CDH9: variants seen among roughly 807,000 people sequenced by gnomAD.
CDH9 encodes the protein cadherin-9.
A neutral mutation model predicts 70.9 loss-of-function variants in CDH9; 28 were observed. The observed-to-expected ratio is 0.40, with a 90% CI of 0.29 to 0.54. The LOEUF (loss-of-function observed/expected upper bound fraction) is 0.54. Among genes scored for constraint, CDH9 ranks in the 20% least tolerant of loss-of-function variants. The pLI, the probability that CDH9 is intolerant of heterozygous loss-of-function variation, is 0.59. For synonymous variants in CDH9, 409 were observed against 343.1 expected (o/e 1.19, Z -2.12); for missense variants, 874 against 984.4 (o/e 0.89, Z 1.50).
In CDH9 at chr5:27,018,475, T is replaced by G. The variant is rs1743083475; in HGVS notation, c.-50+19988A>C. Among the ~76,000 whole-genome samples, 6 of 151,856 alleles carry G rather than the reference T, an allele frequency of 4.0e-5. 2 individuals carry two copies. Among genetic ancestry groups the G allele is most frequent in the Admixed American group, 3.9e-4 (6 of 15,208 alleles). On this transcript the variant is annotated intron_variant, in intron 1 of 11. Transcript: ENST00000231021. The stretch of plus-strand genomic sequence containing the variant: ...TTCATTTCTAAGATTCCACTATTAG[T>G]AAGTTCAACTTCTCTTTATGGAAAT...
chr5:26,972,895 G>A (rs1396367349), intron 2 of CDH9, among the ~76,000 whole-genome samples: 3 of 147,972 alleles, frequency 2.0e-5, no homozygotes, highest in East Asian at 4.0e-4. Context: ...ATGAAGTCTC[G>A]CTCTGTCACC....
chr5:26,928,408 ATCCACACTAC>A (rs1741383719), intron 2 of CDH9, among the ~76,000 whole-genome samples: 1 of 152,070 alleles, frequency 6.6e-6, no homozygotes, highest in Admixed American at 6.6e-5. Context: ...TTGTTAAAAT[ATCCACACTAC>A]TCAAAGCAAT....
At chr5:26,891,532 G>A (rs1199856983) in intron 7 of CDH9, among the ~76,000 whole-genome samples, 1 of 152,016 alleles carries the variant, frequency 6.6e-6, no homozygotes, top group East Asian at 1.9e-4. Flanking sequence ...ACAAAAATTA[G>A]CCAGGCATGG....
intron 1 of CDH9, among the ~76,000 whole-genome samples, chr5:27,025,400 C>G (rs373973662): frequency 6.6e-6 from 1 of 151,886 alleles, no homozygotes; most frequent in Non-Finnish European, 1.5e-5. Context: ...TAACTGGAGA[C>G]CAATCAGAAG....
rs1379961253 is a variant in CDH9 at position 26,982,674 on chromosome 5, TTTTTTTTG to T, written c.228+5424_228+5431del. ...TAATTCAACTTGTGCTATGAATAAGTTTTTTTTGTTTTTTTGTTTTTTTGTTTTTTTTG... is the reference window on the plus strand; with the variant it reads ...TAATTCAACTTGTGCTATGAATAAGTTTTTTTTGTTTTTTTGTTTTTTTTG... On this transcript the variant is annotated intron_variant, in intron 2 of 11. Coordinates refer to ENST00000231021, the MANE Select transcript of CDH9 (RefSeq NM_016279.4). Among the ~76,000 whole-genome samples, 7 of 151,752 alleles carry T rather than the reference TTTTTTTTG, an allele frequency of 4.6e-5. No individual in the cohort carries two copies. In the South Asian group the frequency reaches 8.3e-4, roughly 18 times the overall value.
chr5:27,037,345 G>C (rs1174119875), intron 1 of CDH9, among the ~76,000 whole-genome samples: 1 of 151,764 alleles, frequency 6.6e-6, no homozygotes, highest in Non-Finnish European at 1.5e-5. Context: ...AATATAAAAT[G>C]ACAACACATC....
intron 2 of CDH9, among the ~76,000 whole-genome samples, chr5:26,918,552 G>A (rs778792384): frequency 1.9e-4 from 29 of 152,142 alleles, no homozygotes; most frequent in Middle Eastern, 3.2e-3. Context: ...AATAAAACTT[G>A]CCTTTTTAAC....
At chr5:26,938,075 C>CA (rs1478140289) in intron 2 of CDH9, among the ~76,000 whole-genome samples, 1 of 151,576 alleles carries the variant, frequency 6.6e-6, no homozygotes, top group African/African-American at 2.4e-5. Flanking sequence ...CTACTGGGGG[C>CA]AAGGTGTAGA....
intron 1 of CDH9, among the ~76,000 whole-genome samples, chr5:27,005,859 C>A (rs182089323): frequency 7.2e-4 from 109 of 152,110 alleles, no homozygotes; most frequent in East Asian, 1.2e-3. Context: ...GCAGTCATAT[C>A]TTTTGCTTGA....
intron 11 of CDH9, among the ~76,000 whole-genome samples, chr5:26,883,041 T>TA (rs1740493751): frequency 3.8e-4 from 22 of 58,022 alleles, no homozygotes; most frequent in African/African-American, 9.2e-4. Flanking sequence ...CAGGATCATC[T>TA]TATATATATA....
chr5:27,010,112 A>G (rs1165063441), intron 1 of CDH9, among the ~76,000 whole-genome samples: 2 of 152,138 alleles, frequency 1.3e-5, no homozygotes, highest in Non-Finnish European at 2.9e-5. Flanking sequence ...AAATTGTTAA[A>G]TGCACAGTAT....
At chr5:26,952,269 T>G (rs1741859713) in intron 2 of CDH9, among the ~76,000 whole-genome samples, 1 of 146,776 alleles carries the variant, frequency 6.8e-6, no homozygotes, top group Non-Finnish European at 1.5e-5. Context: ...CAGACTCATG[T>G]TGAAATTTAA....
chr5:27,011,602 T>G (rs1047638032), intron 1 of CDH9, among the ~76,000 whole-genome samples: 1 of 152,066 alleles, frequency 6.6e-6, no homozygotes, highest in Non-Finnish European at 1.5e-5. Flanking sequence ...TAGTTTGTCA[T>G]GCATTGCTAT....
At chr5:26,979,835 T>C (rs1021383301) in intron 2 of CDH9, among the ~76,000 whole-genome samples, 2 of 151,610 alleles carry the variant, frequency 1.3e-5, no homozygotes, top group African/African-American at 4.8e-5. Flanking sequence ...TAATCAGAAA[T>C]ATAAAGAAAG....
chr5:26,956,511 T>C lies in CDH9; in HGVS notation c.228+31595A>G, dbSNP rs192058383. ...CATCCTAAGGCTGTTTTCACAGATA[T>C]CACTTTTCTTGGGTCAAATATGCTC... On this transcript the variant is annotated intron_variant, in intron 2 of 11. Coordinates refer to ENST00000231021, the MANE Select transcript of CDH9 (RefSeq NM_016279.4). Among the ~76,000 whole-genome samples, 554 of 152,306 alleles carry C rather than the reference T, an allele frequency of 3.6e-3. 2 individuals carry two copies. The highest frequency in any genetic ancestry group is 0.012 in the African/African-American group (519 of 41,556).
intron 2 of CDH9, among the ~76,000 whole-genome samples, chr5:26,958,812 G>T (rs1741988249): frequency 6.6e-6 from 1 of 152,072 alleles, no homozygotes; most frequent in Non-Finnish European, 1.5e-5. Flanking sequence ...TAATAAGAAT[G>T]ACTGGACAAA....
chr5:26,970,129 T>C (rs1334519315), intron 2 of CDH9, among the ~76,000 whole-genome samples: 1 of 149,258 alleles, frequency 6.7e-6, no homozygotes, highest in East Asian at 1.9e-4. Flanking sequence ...TTAAGTTAAA[T>C]ATAGTTATTA....
intron 1 of CDH9, among the ~76,000 whole-genome samples, chr5:27,022,189 G>T (rs533119651): frequency 1.3e-5 from 2 of 151,992 alleles, no homozygotes; most frequent in South Asian, 4.2e-4. Context: ...ATCAAGCACA[G>T]AATTTTGGAA....
rs1740449984 is a variant in CDH9, at chr5:26,881,018, A to T, written c.*118T>A. ...AGCAAATCCCTACTTGACAACATCT[A>T]CGTATTGTTTGTAACTTCAATTTTT... On this transcript the variant is annotated 3_prime_UTR_variant, in exon 12 of 12. Coordinates refer to ENST00000231021, the MANE Select transcript of CDH9 (RefSeq NM_016279.4). 2.3e-6 allele frequency: 2 copies of T among 858,126 alleles called. No homozygotes were observed. The highest frequency in any genetic ancestry group is 3.6e-6 in the Non-Finnish European group (2 of 549,436). 53.2% of individuals were successfully genotyped at this position (858,126 alleles called of 1,614,324 possible).
Sources: gnomAD v4.1 joint callset for allele counts (sites outside exome capture counted in the v4.1 genomes callset) on GRCh38, gnomAD v4.1.1 for gene constraint, MANE v1.5 for transcripts, NCBI Gene and HGNC (gene_info 2026-07-23, HGNC 2026-07-21) for gene names.